SLIT3: variants seen among roughly 807,000 people sequenced by gnomAD.
The protein encoded by SLIT3 is slit guidance ligand 3.
Under a neutral mutation model 184.0 loss-of-function variants are expected in SLIT3, and 68 were observed. The observed-to-expected ratio is 0.37, with a 90% confidence interval of 0.30 to 0.45. The LOEUF (loss-of-function observed/expected upper bound fraction) is 0.45. Among genes scored for constraint, SLIT3 ranks in the 20% least tolerant of loss-of-function variants. The probability of loss-of-function intolerance (pLI) is 1.00; values close to 1 mark genes in which losing one functional copy is unlikely to be tolerated. For missense variants in SLIT3, 1,707 were observed against 2,026.0 expected (o/e 0.84, Z 3.02); for synonymous variants, 831 against 828.6 (o/e 1.00, Z -0.05).
At chr5:168,944,037 T>G (rs1272310397) in intron 4 of SLIT3, among the ~76,000 whole-genome samples, 1 of 152,194 alleles carries the variant, frequency 6.6e-6, no homozygotes, top group African/African-American at 2.4e-5. Context: ...TTCTGAAGGT[T>G]CACTTTGTTA....
rs927813750 is a variant in SLIT3, at chr5:169,270,834, G to C, written c.198-19375C>G. Among the ~76,000 whole-genome samples the C allele has an allele frequency of 5.9e-5, 9 of 152,174 alleles. 1 individual carries two copies. In the South Asian group the frequency reaches 1.0e-3, roughly 18 times the overall value. On this transcript the variant is annotated intron_variant, in intron 1 of 35. Transcript: ENST00000519560. ...GAAGTAGCAACATGACTCTGGGGAA[G>C]TTATTTTAACTCTCTGTGCCTCTAT...
intron 5 of SLIT3, among the ~76,000 whole-genome samples, chr5:168,869,807 T>C (rs1000305996): frequency 6.6e-6 from 1 of 152,240 alleles, no homozygotes; most frequent in African/African-American, 2.4e-5. Flanking sequence ...GAAGTTTTCC[T>C]GGCAGACACA....
intron 18 of SLIT3, among the ~76,000 whole-genome samples, chr5:168,751,523 A>T (rs1281518330): frequency 6.6e-6 from 1 of 152,188 alleles, no homozygotes; most frequent in East Asian, 1.9e-4. Flanking sequence ...ACAGAGATGA[A>T]GTCACTTTCC....
intron 6 of SLIT3, among the ~76,000 whole-genome samples, chr5:168,830,066 G>C (rs1481951381): frequency 6.6e-6 from 1 of 152,206 alleles, no homozygotes; most frequent in Non-Finnish European, 1.5e-5. Context: ...AGGGCCTACT[G>C]CTGATGACCA....
At chr5:168,967,659 C>G in intron 4 of SLIT3, among the ~76,000 whole-genome samples, 1 of 139,460 alleles carries the variant, frequency 7.2e-6, no homozygotes, top group South Asian at 2.3e-4. Context: ...CCGGGATGGT[C>G]TCGATCTCCT....
chr5:168,692,179 G>A (rs995204046), intron 29 of SLIT3, among the ~76,000 whole-genome samples: 6 of 152,192 alleles, frequency 3.9e-5, no homozygotes, highest in African/African-American at 1.2e-4. Flanking sequence ...GAGGGGCAGC[G>A]TACTGCAAAG....
intron 4 of SLIT3, among the ~76,000 whole-genome samples, chr5:169,015,468 C>T (rs943167041): frequency 6.6e-6 from 1 of 152,200 alleles, no homozygotes; most frequent in Non-Finnish European, 1.5e-5. Context: ...CATGGACAGG[C>T]TGGAGCAGTG....
intron 5 of SLIT3, among the ~76,000 whole-genome samples, chr5:168,866,100 G>A (rs1263396469): frequency 6.6e-6 from 1 of 152,154 alleles, no homozygotes; most frequent in African/African-American, 2.4e-5. Flanking sequence ...TCTACAAGAT[G>A]TGTGGATTAA....
chr5:168,776,662 C>T (rs978492212), intron 12 of SLIT3, among the ~76,000 whole-genome samples: 1 of 152,122 alleles, frequency 6.6e-6, no homozygotes, highest in African/African-American at 2.4e-5. Flanking sequence ...CAACATCCCT[C>T]CCCCCTGCAA....
At chr5:169,130,982 A>C (rs1761276534) in intron 4 of SLIT3, among the ~76,000 whole-genome samples, 1 of 152,166 alleles carries the variant, frequency 6.6e-6, no homozygotes, top group Non-Finnish European at 1.5e-5. Context: ...AAATCAAGAA[A>C]CATGGACCAC....
At chr5:168,692,352 C>T (rs543373229) in intron 29 of SLIT3, among the ~76,000 whole-genome samples, 1 of 152,266 alleles carries the variant, frequency 6.6e-6, no homozygotes, top group South Asian at 2.1e-4. Flanking sequence ...AAGAGTGGAT[C>T]TTTCTCTCTC....
intron 4 of SLIT3, among the ~76,000 whole-genome samples, chr5:169,017,356 G>A (rs1360881102): frequency 6.6e-6 from 1 of 152,166 alleles, no homozygotes; most frequent in African/African-American, 2.4e-5. Flanking sequence ...CCAATGCCCA[G>A]CTCACATCAG....
intron 20 of SLIT3, among the ~76,000 whole-genome samples, chr5:168,743,157 CTG>C (rs1402957062): frequency 6.6e-6 from 1 of 152,164 alleles, no homozygotes; most frequent in African/African-American, 2.4e-5. Context: ...CTGGAGGAGT[CTG>C]GGTCGCGTTC....
chr5:169,103,344 C>G (rs965228726), intron 4 of SLIT3, among the ~76,000 whole-genome samples: 9 of 152,296 alleles, frequency 5.9e-5, no homozygotes, highest in African/African-American at 1.9e-4. Context: ...TTCTTCCAGG[C>G]AATGTTATAG....
chr5:168,797,741 A>G (rs1229365910), intron 9 of SLIT3, among the ~76,000 whole-genome samples: 1 of 152,164 alleles, frequency 6.6e-6, no homozygotes, highest in Non-Finnish European at 1.5e-5. Flanking sequence ...TATCTCTTTT[A>G]ATCCTTCCAC....
intron 4 of SLIT3, among the ~76,000 whole-genome samples, chr5:169,080,487 T>A (rs1758989072): frequency 6.6e-6 from 1 of 152,072 alleles, no homozygotes; most frequent in Non-Finnish European, 1.5e-5. Context: ...CTTGCCCACA[T>A]CCTGTGAGCA....
Position 169,137,337 on chromosome 5 carries a change from G to C in SLIT3, c.413+56142C>G, listed in dbSNP as rs569510142. 3.8e-3 allele frequency among the ~76,000 whole-genome samples: 483 copies of C among 128,264 alleles called. 6 individuals carry two copies. Among genetic ancestry groups the C allele is most frequent in the South Asian group, 0.025 (108 of 4,358 alleles). The allele number at this position is 128,264 out of a possible 152,430, so 84.1% of individuals were successfully genotyped here. A position where few individuals can be genotyped will look rare whatever the true frequency, so the allele number is the denominator to read the frequency against. Reference sequence around the variant, plus strand: ...ACACACACACACACACACACACACAGAGAGAGAGAGAGAGAGAGAAACAGT... The same window carrying C: ...ACACACACACACACACACACACACACAGAGAGAGAGAGAGAGAGAAACAGT... On this transcript the variant is annotated intron_variant, in intron 4 of 35. Coordinates refer to ENST00000519560, the MANE Select transcript of SLIT3 (RefSeq NM_003062.4).
At chr5:168,997,626 G>A (rs62378627) in intron 4 of SLIT3, among the ~76,000 whole-genome samples, 5,325 of 152,196 alleles carry the variant, frequency 0.035, 118 homozygotes, top group Middle Eastern at 0.051. Flanking sequence ...GCTGCATGCA[G>A]GAGACCTCAG....
chr5:169,244,844 T>A, intron 2 of SLIT3, 68 bp from the exon 3 acceptor site: 1 of 1,359,308 alleles, frequency 7.4e-7, no homozygotes, highest in Admixed American at 1.7e-5. Context: ...CTAGGCTTCA[T>A]GCCATGCAGG....
Sources: allele counts gnomAD v4.1 joint callset (sites outside exome capture counted in the v4.1 genomes callset), GRCh38; gene constraint gnomAD v4.1.1; transcripts MANE v1.5; gene names NCBI Gene and HGNC (gene_info 2026-07-23, HGNC 2026-07-21).